SAMD3: variants seen among roughly 807,000 people sequenced by gnomAD.
SAMD3 encodes the protein sterile alpha motif domain-containing protein 3.
Under a neutral mutation model 58.5 loss-of-function variants are expected in SAMD3, and 63 were observed. That is an observed-to-expected ratio of 1.08 (90% CI 0.88 to 1.33). The LOEUF is 1.33. Ranked by LOEUF, SAMD3 falls within the 40% of genes most tolerant of loss-of-function variation. The pLI, the probability that SAMD3 is intolerant of heterozygous loss-of-function variation, is 0.00. For synonymous variants in SAMD3, 220 were observed against 210.3 expected (o/e 1.05, Z -0.40); for missense variants, 604 against 608.4 (o/e 0.99, Z 0.08).
chr6:130,282,615 C>CT (rs1221734217), intron 2 of SAMD3, among the ~76,000 whole-genome samples: 1 of 151,998 alleles, frequency 6.6e-6, no homozygotes. Flanking sequence ...AAGTACTGGA[C>CT]TTCAGGGAAA....
At chr6:130,186,609 A>G (rs560630705) in intron 5 of SAMD3, among the ~76,000 whole-genome samples, 1 of 152,242 alleles carries the variant, frequency 6.6e-6, no homozygotes, top group African/African-American at 2.4e-5. Context: ...TTAGGGGTCT[A>G]CTAAATGCGA....
Position 130,184,569 on chromosome 6 carries a change from G to C in SAMD3, c.438C>G (p.Ser146=). The change falls in exon 6 of 12, where the codon TCC becomes TCG. Residue 146 remains serine (S), a synonymous_variant. Transcript: ENST00000439090. Reference sequence around the variant, plus strand: ...CATAGGGAAACTCTGGTAAAACATAGGACTTCGTCCACTGTAATGCTTTGC... The same window carrying C: ...CATAGGGAAACTCTGGTAAAACATACGACTTCGTCCACTGTAATGCTTTGC... ...ARSKALQWTK[S]YVLPEFPYDV... The C allele has an allele frequency of 6.2e-7, 1 of 1,614,044 alleles. No individual in the cohort carries two copies. Among genetic ancestry groups the C allele is most frequent in the South Asian group, 1.1e-5 (1 of 91,066 alleles).
At chr6:130,318,285 A>G (rs1317992420) in intron 1 of SAMD3, among the ~76,000 whole-genome samples, 1 of 152,184 alleles carries the variant, frequency 6.6e-6, no homozygotes, top group Non-Finnish European at 1.5e-5. Context: ...CAAAGCTTAA[A>G]AAAACAAGAC....
intron 9 of SAMD3, among the ~76,000 whole-genome samples, chr6:130,152,036 A>T (rs1193362050): frequency 1.3e-5 from 2 of 152,152 alleles, no homozygotes; most frequent in African/African-American, 4.8e-5. Context: ...TTGTTGAAAG[A>T]AAGTTTTTTG....
chr6:130,172,097 G>A (rs1791305339), intron 8 of SAMD3, among the ~76,000 whole-genome samples: 1 of 152,110 alleles, frequency 6.6e-6, no homozygotes, highest in South Asian at 2.1e-4. Flanking sequence ...TTGAGCCTAT[G>A]TGTGTCTTTG....
At chr6:130,268,688 G>A (rs140089886) in intron 2 of SAMD3, among the ~76,000 whole-genome samples, 28 of 152,254 alleles carry the variant, frequency 1.8e-4, no homozygotes, top group African/African-American at 5.5e-4. Context: ...GTGTTGTAAA[G>A]GTTTGTAGCC....
At position 130,355,562 on chromosome 6, in the gene SAMD3, C is replaced by T. The variant is rs572594819; in HGVS notation, c.-304+9558G>A. 1.7e-3 allele frequency among the ~76,000 whole-genome samples: 256 copies of T among 152,212 alleles called. 2 individuals carry two copies. Among genetic ancestry groups the T allele is most frequent in the Non-Finnish European group, 8.4e-4 (57 of 68,030 alleles). ...CATGTAGTTTCAAAGACTGAAAAGA[C>T]ATAACATCTTCTCTAATGGAGGAAG... On this transcript the variant is annotated intron_variant, in intron 1 of 13. Transcript: ENST00000368134.
chr6:130,248,055 C>A (rs1773612303), intron 2 of SAMD3, among the ~76,000 whole-genome samples: 1 of 152,108 alleles, frequency 6.6e-6, no homozygotes, highest in Non-Finnish European at 1.5e-5. Flanking sequence ...TTTTGGCTAG[C>A]TTTCAACCTT....
At chr6:130,306,787 T>C (rs1775925259) in intron 2 of SAMD3, among the ~76,000 whole-genome samples, 1 of 152,238 alleles carries the variant, frequency 6.6e-6, no homozygotes, top group African/African-American at 2.4e-5. Flanking sequence ...ACAGAGAATG[T>C]TCTTTCTTTT....
rs188238875 is a variant in SAMD3, at chr6:130,301,259, A to G, written c.-188+11719T>C. On this transcript the variant is annotated intron_variant, in intron 2 of 13. Coordinates refer to the SAMD3 transcript ENST00000368134. ...GTTGGTTCTAAGTCTTTGCTATTAA[A>G]TACCAGTAGCATTTCTATACATCCA... Among the ~76,000 whole-genome samples the G allele has an allele frequency of 1.2e-3, 189 of 152,246 alleles. 1 individual carries two copies. The highest frequency in any genetic ancestry group is 4.4e-3 in the African/African-American group (181 of 41,548).
chr6:130,253,786 T>C (rs1773829717), intron 2 of SAMD3, among the ~76,000 whole-genome samples: 1 of 152,062 alleles, frequency 6.6e-6, no homozygotes, highest in Non-Finnish European at 1.5e-5. Context: ...TTTGTACTAA[T>C]AAATGTGCTT....
intron 7 of SAMD3, among the ~76,000 whole-genome samples, chr6:130,179,377 T>C (rs192779346): frequency 6.6e-6 from 1 of 152,250 alleles, no homozygotes; most frequent in East Asian, 1.9e-4. Context: ...AGAGAGGGTG[T>C]AGAAAGTTCT....
intron 2 of SAMD3, among the ~76,000 whole-genome samples, chr6:130,293,283 T>C (rs1336448548): frequency 6.6e-6 from 1 of 152,168 alleles, no homozygotes; most frequent in Non-Finnish European, 1.5e-5. Context: ...CTTACACCTG[T>C]CCAAGACTGC....
chr6:130,146,491 A>G (rs1788634916), intron 9 of SAMD3, among the ~76,000 whole-genome samples: 1 of 152,208 alleles, frequency 6.6e-6, no homozygotes. Flanking sequence ...TATTTGGGTT[A>G]CCCAGCTAAG....
chr6:130,310,895 G>C (rs1776127998), intron 2 of SAMD3, among the ~76,000 whole-genome samples: 1 of 152,186 alleles, frequency 6.6e-6, no homozygotes, highest in South Asian at 2.1e-4. Context: ...GTTGGATTTA[G>C]TAGGTTTCGA....
intron 2 of SAMD3, among the ~76,000 whole-genome samples, chr6:130,216,354 T>G (rs1796002515): frequency 6.6e-6 from 1 of 152,206 alleles, no homozygotes; most frequent in Non-Finnish European, 1.5e-5. Flanking sequence ...ACTTGCAAAT[T>G]AAGATACTGA....
At chr6:130,331,809 G>A (rs997767227) in intron 1 of SAMD3, among the ~76,000 whole-genome samples, 1 of 152,200 alleles carries the variant, frequency 6.6e-6, no homozygotes, top group African/African-American at 2.4e-5. Context: ...ATATATATAT[G>A]TATGTTTATG....
At position 130,360,711 on chromosome 6, in the gene SAMD3, C is replaced by T. The variant is rs537337808; in HGVS notation, c.-304+4409G>A. On this transcript the variant is annotated intron_variant, in intron 1 of 13. Transcript: ENST00000368134. ...ACCAGTCTGACCAAAATTTATTAGGCGTGAATTTCCTCTTCCTAATAAGCC... is the reference window on the plus strand; with the variant it reads ...ACCAGTCTGACCAAAATTTATTAGGTGTGAATTTCCTCTTCCTAATAAGCC... Among the ~76,000 whole-genome samples the T allele has an allele frequency of 1.1e-4, 16 of 152,052 alleles. 1 individual carries two copies. The highest frequency in any genetic ancestry group is 3.9e-4 in the Admixed American group (6 of 15,262).
chr6:130,221,878 T>C (rs946465565), intron 1 of SAMD3: 1 of 152,212 alleles, frequency 6.6e-6, no homozygotes, highest in Non-Finnish European at 1.5e-5. Flanking sequence ...TAGGTAACTC[T>C]TGAACAAAAT....
Sources: gnomAD v4.1 joint callset for allele counts (sites outside exome capture counted in the v4.1 genomes callset) on GRCh38, gnomAD v4.1.1 for gene constraint, MANE v1.5 for transcripts, NCBI Gene and HGNC (gene_info 2026-07-23, HGNC 2026-07-21) for gene names.